Variants in ZFHX3 observed in about 807,000 individuals in gnomAD.
ZFHX3 encodes the protein zinc finger homeobox 3.
A neutral mutation model predicts 279.1 loss-of-function variants in ZFHX3; 42 were observed. The ratio of observed to expected loss-of-function variants is 0.15; its 90% confidence interval spans 0.12 to 0.19. The LOEUF (loss-of-function observed/expected upper bound fraction) is 0.19. Ranked by LOEUF, ZFHX3 falls within the 10% of genes least tolerant of loss-of-function variation. ZFHX3 has a pLI of 1.00. For synonymous variants in ZFHX3, 2,293 were observed against 1,957.8 expected (o/e 1.17, Z -4.52); for missense variants, 4,981 against 4,754.0 (o/e 1.05, Z -1.40).
chr16:73,025,654 T>G (rs189138531), intron 1 of ZFHX3, among the ~76,000 whole-genome samples: 31 of 152,258 alleles, frequency 2.0e-4, no homozygotes, highest in African/African-American at 7.2e-4. Flanking sequence ...AGGTCTGGCA[T>G]CTGGCCCCCT....
chr16:73,744,867 T>C (rs2053689791), intron 1 of ZFHX3, among the ~76,000 whole-genome samples: 2 of 152,178 alleles, frequency 1.3e-5, no homozygotes, highest in Admixed American at 1.3e-4. Context: ...AGGAACCCAA[T>C]TTTTCAAGAA....
intron 3 of ZFHX3, among the ~76,000 whole-genome samples, chr16:73,349,435 G>T (rs2016182868): frequency 6.6e-6 from 1 of 151,758 alleles, no homozygotes; most frequent in African/African-American, 2.4e-5. Flanking sequence ...CGTAGGAGGT[G>T]TTAGTAGCAG....
rs1597114617 is a variant in ZFHX3 at position 73,785,182 on chromosome 16, A to G, written c.-1607-104942T>C. On this transcript the variant is annotated intron_variant, in intron 1 of 17. Transcript: ENST00000641206. The stretch of plus-strand genomic sequence containing the variant: ...TACAATACTATTTGCTGTATACATT[A>G]TAATTGTATTAATAAACATTATTCA... Among the ~76,000 whole-genome samples the G allele has an allele frequency of 3.3e-5, 5 of 152,328 alleles. No homozygotes were observed. In the South Asian group the frequency reaches 1.0e-3, roughly 32 times the overall value.
chr16:72,922,889 A>C (rs1205942417), intron 3 of ZFHX3, among the ~76,000 whole-genome samples: 1 of 152,134 alleles, frequency 6.6e-6, no homozygotes, highest in Non-Finnish European at 1.5e-5. Context: ...GACTCTCCCC[A>C]GCCTGCTTCC....
intron 4 of ZFHX3, among the ~76,000 whole-genome samples, chr16:72,838,729 G>A (rs1160480296): frequency 2.6e-5 from 4 of 152,306 alleles, no homozygotes; most frequent in Admixed American, 1.3e-4. Flanking sequence ...GAAAAAGGGA[G>A]GAAACGCCTA....
chr16:72,988,677 C>A (rs1486799552), intron 1 of ZFHX3, among the ~76,000 whole-genome samples: 1 of 152,240 alleles, frequency 6.6e-6, no homozygotes, highest in Non-Finnish European at 1.5e-5. Context: ...GTATCATGTA[C>A]ATTAAGAGCC....
chr16:73,018,211 C>T (rs909973679), intron 1 of ZFHX3, among the ~76,000 whole-genome samples: 10 of 152,046 alleles, frequency 6.6e-5, no homozygotes, highest in South Asian at 2.1e-4. Context: ...AGGCTGGTCT[C>T]GAACTCCTGG....
chr16:73,356,183 T>C (rs572758988), intron 3 of ZFHX3, among the ~76,000 whole-genome samples: 23 of 152,298 alleles, frequency 1.5e-4, no homozygotes, highest in African/African-American at 4.1e-4. Context: ...CCGCCGACCA[T>C]TGCCAACCCA....
chr16:72,862,617 C>T (rs907882332), intron 4 of ZFHX3, among the ~76,000 whole-genome samples: 1 of 152,178 alleles, frequency 6.6e-6, no homozygotes, highest in Non-Finnish European at 1.5e-5. Context: ...ATCAGATACA[C>T]TGACTAACAC....
chr16:73,565,688 C>T (rs2020440988), intron 2 of ZFHX3, among the ~76,000 whole-genome samples: 1 of 152,202 alleles, frequency 6.6e-6, no homozygotes, highest in African/African-American at 2.4e-5. Flanking sequence ...CTGGATCTCC[C>T]TTCTAAGTCT....
At chr16:73,417,401 T>TTC (rs1365596260) in intron 3 of ZFHX3, among the ~76,000 whole-genome samples, 1 of 146,376 alleles carries the variant, frequency 6.8e-6, no homozygotes, top group Non-Finnish European at 1.5e-5. Context: ...CTTTTCTTTT[T>TTC]TTTTTTTTTT....
intron 3 of ZFHX3, among the ~76,000 whole-genome samples, chr16:72,941,911 C>T (rs754232303): frequency 6.6e-6 from 1 of 152,158 alleles, no homozygotes; most frequent in Non-Finnish European, 1.5e-5. Flanking sequence ...TAAATATATA[C>T]TTACTCAATA....
At chr16:72,822,680 C>T (rs2036825136) in intron 5 of ZFHX3, among the ~76,000 whole-genome samples, 1 of 151,864 alleles carries the variant, frequency 6.6e-6, no homozygotes, top group South Asian at 2.1e-4. Flanking sequence ...TAGTGATGAA[C>T]AATGATTTGC....
At chr16:73,069,884 T>G (rs530549720) in intron 8 of ZFHX3, among the ~76,000 whole-genome samples, 2 of 152,342 alleles carry the variant, frequency 1.3e-5, no homozygotes, top group South Asian at 4.1e-4. Flanking sequence ...TATTTCATCA[T>G]GGACGCAAAA....
At chr16:73,468,272 T>C (rs2018606188) in intron 2 of ZFHX3, among the ~76,000 whole-genome samples, 1 of 152,002 alleles carries the variant, frequency 6.6e-6, no homozygotes, top group Admixed American at 6.6e-5. Context: ...GTCCCCATCT[T>C]CCAGGCAGCA....
chr16:72,809,110 T>C (rs1168891404), intron 7 of ZFHX3, among the ~76,000 whole-genome samples: 1 of 152,234 alleles, frequency 6.6e-6, no homozygotes, highest in Non-Finnish European at 1.5e-5. Context: ...TACCTTGCTA[T>C]TGCTATTATG....
chr16:73,610,327 CCATCG>C (rs2052232572), intron 2 of ZFHX3, among the ~76,000 whole-genome samples: 1 of 152,174 alleles, frequency 6.6e-6, no homozygotes, highest in Non-Finnish European at 1.5e-5. Context: ...TTTCACACCT[CCATCG>C]TCGTATTTGC....
At chr16:73,405,827 G>A (rs778363874) in intron 3 of ZFHX3, among the ~76,000 whole-genome samples, 2 of 152,208 alleles carry the variant, frequency 1.3e-5, no homozygotes, top group African/African-American at 2.4e-5. Flanking sequence ...GATGACTGGA[G>A]GCTGTCAGAG....
intron 2 of ZFHX3, among the ~76,000 whole-genome samples, chr16:73,586,003 C>G (rs1392179966): frequency 2.6e-5 from 4 of 151,926 alleles, no homozygotes; most frequent in Non-Finnish European, 5.9e-5. Flanking sequence ...ATATAAAATA[C>G]AAAATAAGAT....
Sources: allele counts gnomAD v4.1 joint callset (sites outside exome capture counted in the v4.1 genomes callset), GRCh38; gene constraint gnomAD v4.1.1; transcripts MANE v1.5; gene names NCBI Gene and HGNC (gene_info 2026-07-23, HGNC 2026-07-21).